TNXB: variants seen among roughly 807,000 people sequenced by gnomAD.
TNXB encodes the protein tenascin-X.
TNXB carries 183 observed loss-of-function variants against 340.5 expected under a neutral mutation model. The ratio of observed to expected loss-of-function variants is 0.54; its 90% CI spans 0.48 to 0.61. The LOEUF (loss-of-function observed/expected upper bound fraction) is 0.61. Ranked by LOEUF, TNXB falls within the 20% of genes least tolerant of loss-of-function variation. TNXB has a pLI of 0.00. For missense variants in TNXB, 4,613 were observed against 5,446.4 expected (o/e 0.85, Z 4.82); for synonymous variants, 2,121 against 2,314.5 (o/e 0.92, Z 2.40).
Position 32,047,800 on chromosome 6 carries a change from T to C in TNXB, c.10258A>G (p.Arg3420Gly), listed in dbSNP as rs199563047. 3.9e-5 allele frequency: 62 copies of C among 1,610,338 alleles called. No homozygotes were observed. The African/African-American group carries it at 7.1e-4, about 18-fold the overall frequency. Residue 3420 changes from arginine (R) to glycine (G), a missense_variant, in exon 30 of 44, where the codon AGG becomes GGG. Transcript: ENST00000644971. The surrounding 1 kb of genome is among the most constrained non-coding windows in gnomAD (Gnocchi z 6.2). Reference sequence around the variant, plus strand: ...CCTGACAGACCATAGAGCAGGAACCTGTATTTCCTACTGGGCTCCAGGCCC... The same window carrying C: ...CCTGACAGACCATAGAGCAGGAACCCGTATTTCCTACTGGGCTCCAGGCCC... ...VQGLEPSRKY[R>G]FLLYGLSGRK...
Position 32,070,208 on chromosome 6 carries a change from C to A in TNXB, c.5197G>T (p.Ala1733Ser), listed in dbSNP as rs751110919. 1 of 1,611,924 alleles carries A rather than the reference C, an allele frequency of 6.2e-7. No individual in the cohort carries two copies. The highest frequency in any genetic ancestry group is 1.3e-5 in the African/African-American group (1 of 74,868). ...AGGAGGAATCTGTACTTGCGGCCGG[C>A]ATCCAGAGGGGTGACAGTGACAGAG... ...ERSVTVTPLD[A>S]GRKYRFLLYG... Residue 1733 changes from alanine to serine, a missense_variant, in exon 14 of 44, where the codon GCC becomes TCC. Transcript: ENST00000644971. The surrounding 1 kb of genome is among the most constrained non-coding windows in gnomAD (Gnocchi z 6.0).
Position 32,097,916 on chromosome 6 carries a change from C to A in TNXB, c.283G>T (p.Val95Phe). The change falls in exon 2 of 44, where the codon GTC becomes TTC. Residue 95 changes from valine to phenylalanine, a missense_variant. By Grantham distance (50) the Val-to-Phe change is conservative. Around this residue, in one of 7 missense-constraint regions of TNXB, gnomAD observed 4,327 missense variants for 4,859.4 expected, o/e 0.89. Transcript: ENST00000644971. This position sits in a 1 kb window ranked among gnomAD's most constrained non-coding sequence, Gnocchi z 5.9. The part of the protein sequence containing the change: ...CGCPPGTEPP[V>F]LASEVQALRV... ...AGGGCCTGTACCTCTGAAGCAAGGACTGGGGGCTCGGTGCCTGGGGGACAG... is the reference window on the plus strand; with the variant it reads ...AGGGCCTGTACCTCTGAAGCAAGGAATGGGGGCTCGGTGCCTGGGGGACAG... 6.3e-7 allele frequency: 1 copy of A among 1,590,002 alleles called. No homozygotes were observed. Among genetic ancestry groups the A allele is most frequent in the Non-Finnish European group, 8.6e-7 (1 of 1,164,162 alleles).
At chr6:32,071,821 C>G (rs1338309615) in intron 13 of TNXB, among the ~76,000 whole-genome samples, 169 bp downstream of exon 13, 1 of 152,132 alleles carries the variant, frequency 6.6e-6, no homozygotes, top group Non-Finnish European at 1.5e-5. Flanking sequence ...CCTGACCTGC[C>G]TTGGACTCCC....
Position 32,080,237 on chromosome 6 carries a change from G to A in TNXB, c.4043-872C>T, listed in dbSNP as rs758703138. Among the ~76,000 whole-genome samples the A allele has an allele frequency of 2.0e-5, 3 of 150,688 alleles. No homozygotes were observed. Among genetic ancestry groups the A allele is most frequent in the Non-Finnish European group, 4.4e-5 (3 of 67,850 alleles). ...TTTTTGTTTTTTTTTTTGAGATGGA[G>A]TCTCACTCTGTCGCCCAGGCTGGAA... is the stretch of plus-strand genomic sequence containing the variant. On this transcript the variant is annotated intron_variant, in intron 10 of 43. Transcript: ENST00000644971. The surrounding 1 kb of genome is among the most constrained non-coding windows in gnomAD (Gnocchi z 4.3).
Position 32,046,272 on chromosome 6 carries a change from G to C in TNXB, c.10509C>G (p.Thr3503=). The C allele has an allele frequency of 6.2e-7, 1 of 1,606,272 alleles. No individual in the cohort carries two copies. The part of the protein sequence containing the change: ...VPVAADQRTV[T]VEDLEPGKKY... Reference sequence around the variant, plus strand: ...TCTTGCCAGGCTCCAGGTCCTCTACGGTGACTGTGCGCTGGTCTGCGGCCA... The same window carrying C: ...TCTTGCCAGGCTCCAGGTCCTCTACCGTGACTGTGCGCTGGTCTGCGGCCA... The change falls in exon 31 of 44, where the codon ACC becomes ACG. Residue 3503 remains threonine, a synonymous_variant. Coordinates refer to ENST00000644971, the MANE Select transcript of TNXB (RefSeq NM_001365276.2). This position sits in a 1 kb window ranked among gnomAD's most constrained non-coding sequence, Gnocchi z 6.9.
In TNXB at chr6:32,081,420, G is replaced by A. The variant is rs762897482; in HGVS notation, c.3990C>T (p.Tyr1330=). The A allele has an allele frequency of 1.2e-5, 19 of 1,558,036 alleles. No homozygotes were observed. Among genetic ancestry groups the A allele is most frequent in the African/African-American group, 2.7e-5 (2 of 73,654 alleles). Residue 1330 remains tyrosine (Y), a synonymous_variant, in exon 10 of 44, where the codon TAC becomes TAT. Transcript: ENST00000644971. The surrounding 1 kb of genome is among the most constrained non-coding windows in gnomAD (Gnocchi z 5.1). ...CCACACGCTGCCTGCCACGAAGCCC[G>A]TAGAGGTTCATCTTATACTTCCGGT... The part of the protein sequence containing the change: ...DPDRKYKMNL[Y]GLRGRQRVGP...
In TNXB at chr6:32,087,536, C is replaced by T. The variant is rs1056047750; in HGVS notation, c.2779+1249G>A. The T allele has an allele frequency of 4.4e-6, 2 of 459,652 alleles. No individual in the cohort carries two copies. The highest frequency in any genetic ancestry group is 6.7e-5 in the East Asian group (1 of 14,980). 28.5% of individuals were successfully genotyped at this position (459,652 alleles called of 1,614,324 possible). On this transcript the variant is annotated intron_variant, in intron 6 of 43. Coordinates refer to ENST00000644971, the MANE Select transcript of TNXB (RefSeq NM_001365276.2). The surrounding 1 kb of genome is among the most constrained non-coding windows in gnomAD (Gnocchi z 9.0). ...GGGTGGCGGGACGCAGCCACCCGGT[C>T]GACGCCTTCAGGCGAGAGGCCGTAG...
In TNXB at chr6:32,069,851, A is replaced by C; in HGVS notation, c.5289T>G (p.Ser1763Arg). Residue 1763 changes from serine (S) to arginine (R), a missense_variant, in exon 15 of 44, where the codon AGT becomes AGG. Ser to Arg is a moderately radical substitution (Grantham distance 110). Coordinates refer to ENST00000644971, the MANE Select transcript of TNXB (RefSeq NM_001365276.2). This position sits in a 1 kb window ranked among gnomAD's most constrained non-coding sequence, Gnocchi z 6.2. ...GCTTTGTTCCAGTATCATCCATAGCACTCCGGGCTTCTGAGATGGAGACAC... is the reference window on the plus strand; with the variant it reads ...GCTTTGTTCCAGTATCATCCATAGCCCTCCGGGCTTCTGAGATGGAGACAC... ...LTADGTTEAR[S>R]AMDDTGTKRP... 6.3e-7 allele frequency: 1 copy of C among 1,575,618 alleles called. No homozygotes were observed. Among genetic ancestry groups the C allele is most frequent in the Non-Finnish European group, 8.6e-7 (1 of 1,158,024 alleles).
Position 32,071,983 on chromosome 6 carries a change from A to C in TNXB, c.4990+7T>G. On this transcript the variant is annotated splice_region_variant and intron_variant, in intron 13 of 43. Coordinates refer to ENST00000644971, the MANE Select transcript of TNXB (RefSeq NM_001365276.2). ...CTCAGGCTCAGCTGTGTAGGGGCCC[A>C]TCTCACCCGTCTTTGCCTCCACAGA... 1 of 1,588,286 alleles carries C rather than the reference A, an allele frequency of 6.3e-7. No individual in the cohort carries two copies. Among genetic ancestry groups the C allele is most frequent in the East Asian group, 2.2e-5 (1 of 44,630 alleles).
chr6:32,043,868 T>A lies in TNXB; in HGVS notation c.11411A>T (p.Asp3804Val). 6.2e-7 allele frequency: 1 copy of A among 1,613,598 alleles called. No homozygotes were observed. The highest frequency in any genetic ancestry group is 8.5e-7 in the Non-Finnish European group (1 of 1,179,968). The change falls in exon 35 of 44, where the codon GAT (aspartate) becomes GTT (valine). Residue 3804 changes from aspartate to valine, a missense_variant. Asp to Val is a radical substitution (Grantham distance 152). Around this residue, in one of 7 missense-constraint regions of TNXB, gnomAD observed 114 missense variants for 104.5 expected, o/e 1.09. Coordinates refer to ENST00000644971, the MANE Select transcript of TNXB (RefSeq NM_001365276.2). ...GAGTTTCTGGGTCCGGGCCTGGCCATCCACCTGCACACTCTGAGGCTCCCC... is the reference window on the plus strand; with the variant it reads ...GAGTTTCTGGGTCCGGGCCTGGCCAACCACCTGCACACTCTGAGGCTCCCC... Reference protein sequence around the residue: ...DGGEPQSVQVDGQARTQKLQG... With the variant: ...DGGEPQSVQVVGQARTQKLQG...
rs373976167 is a variant in TNXB at position 32,065,041 on chromosome 6, G to C, written c.6621C>G (p.Ser2207=). Residue 2207 remains serine (S), a synonymous_variant, in exon 19 of 44, where the codon TCC becomes TCG. Transcript: ENST00000644971. ...CTGTCCAGGAGAGGCTGAGGGAGTC[G>C]GAGGTGATGTCTCTCACTGTCATCT... ...LGQMTVRDIT[S]DSLSLSWTVP... 9 of 1,606,362 alleles carry C rather than the reference G, an allele frequency of 5.6e-6. No individual in the cohort carries two copies. The highest frequency in any genetic ancestry group is 4.0e-5 in the African/African-American group (3 of 74,788).
Position 32,049,133 on chromosome 6 carries a change from G to A in TNXB, c.9757+137C>T. On this transcript the variant is annotated intron_variant, in intron 28 of 43. Coordinates refer to ENST00000644971, the MANE Select transcript of TNXB (RefSeq NM_001365276.2). This position sits in a 1 kb window ranked among gnomAD's most constrained non-coding sequence, Gnocchi z 4.5. ...ACACAGTCTCCATGAATCCAAGGAT[G>A]AGGCAGGATCATTAGCAACATGGGA... 1.6e-6 allele frequency: 2 copies of A among 1,263,666 alleles called. No individual in the cohort carries two copies. The highest frequency in any genetic ancestry group is 2.1e-6 in the Non-Finnish European group (2 of 941,888). 78.3% of individuals were successfully genotyped at this position (1,263,666 alleles called of 1,614,324 possible).
chr6:32,069,202 G>T lies in TNXB; in HGVS notation c.5588-66C>A. 1 of 1,490,420 alleles carries T rather than the reference G, an allele frequency of 6.7e-7. No homozygotes were observed. The highest frequency in any genetic ancestry group is 9.0e-7 in the Non-Finnish European group (1 of 1,108,902). The allele number at this position is 1,490,420 out of a possible 1,614,324, so 92.3% of individuals were successfully genotyped here. On this transcript the variant is annotated intron_variant, in intron 15 of 43. Coordinates refer to ENST00000644971, the MANE Select transcript of TNXB (RefSeq NM_001365276.2). The surrounding 1 kb of genome is among the most constrained non-coding windows in gnomAD (Gnocchi z 6.2). ...CGCTGCACCCAGACTCTCAGGAGGAGTGAGGGAGGAGAGGGAGTGAGGGCA... is the reference window on the plus strand; with the variant it reads ...CGCTGCACCCAGACTCTCAGGAGGATTGAGGGAGGAGAGGGAGTGAGGGCA...
chr6:32,049,269 C>T lies in TNXB; in HGVS notation c.9757+1G>A. ...GGACGAGGGCCTGTCCCCCCACTCA[C>T]CCGTGATGCCCACGGTGGACACTGG... is the stretch of plus-strand genomic sequence containing the variant. On this transcript the variant is annotated splice_donor_variant, in intron 28 of 43. Transcript: ENST00000644971. LOFTEE classifies it high-confidence loss of function. This position sits in a 1 kb window ranked among gnomAD's most constrained non-coding sequence, Gnocchi z 4.5. The T allele has an allele frequency of 6.2e-7, 1 of 1,609,140 alleles. No individual in the cohort carries two copies. The highest frequency in any genetic ancestry group is 8.5e-7 in the Non-Finnish European group (1 of 1,177,636).
intron 24 of TNXB, among the ~76,000 whole-genome samples, chr6:32,054,765 C>T (rs1306030711): frequency 1.3e-5 from 2 of 152,202 alleles, no homozygotes; most frequent in Non-Finnish European, 2.9e-5. Flanking sequence ...TTCCAGCTTC[C>T]GCCTATGAAA....
At chr6:32,053,798 G>C (rs1777457409) in intron 24 of TNXB, 87 bp from the exon 25 acceptor site, 5 of 1,468,852 alleles carry the variant, frequency 3.4e-6, no homozygotes, top group Non-Finnish European at 1.9e-6. Flanking sequence ...AAGTGCCCAA[G>C]AGCAGGACGA....
Position 32,097,695 on chromosome 6 carries a change from AG to A in TNXB, c.403+100del, listed in dbSNP as rs1470414810. The stretch of plus-strand genomic sequence containing the variant: ...GGCTGCATCCACACCCCTCATGGTG[AG>A]GAAGGAGTGCCTTCTTCTAATTCAT... On this transcript the variant is annotated intron_variant, in intron 2 of 43. Transcript: ENST00000644971. This position sits in a 1 kb window ranked among gnomAD's most constrained non-coding sequence, Gnocchi z 5.9. 7.6e-7 allele frequency: 1 copy of A among 1,323,596 alleles called. No homozygotes were observed. Among genetic ancestry groups the A allele is most frequent in the African/African-American group, 1.5e-5 (1 of 67,636 alleles). 82.0% of individuals were successfully genotyped at this position (1,323,596 alleles called of 1,614,324 possible).
In TNXB at chr6:32,067,674, A is replaced by G. The variant is rs1310467237; in HGVS notation, c.6531T>C (p.Ala2177=). The G allele has an allele frequency of 7.4e-6, 12 of 1,613,478 alleles. No homozygotes were observed. Among genetic ancestry groups the G allele is most frequent in the Non-Finnish European group, 1.0e-5 (12 of 1,179,590 alleles). The change falls in exon 18 of 44, where the codon GCT becomes GCC. Residue 2177 remains alanine (A), a synonymous_variant. Transcript: ENST00000644971. This position sits in a 1 kb window ranked among gnomAD's most constrained non-coding sequence, Gnocchi z 4.2. ...HEGRRVGPVS[A]VGVTAPEEES... ...GTGCACACTCACCCGTGACGCCCAC[A>G]GCAGACACTGGGCCCACGCGCCGCC...
chr6:32,097,841 G>T lies in TNXB; in HGVS notation c.358C>A (p.Gln120Lys). ...GCAGGACAACATCCCCCAGTGCACTGTTCCTTGAGCCCCTTCACCAACTCC... is the reference window on the plus strand; with the variant it reads ...GCAGGACAACATCCCCCAGTGCACTTTTCCTTGAGCCCCTTCACCAACTCC... ...LEELVKGLKE[Q>K]CTGGCCPASA... The change falls in exon 2 of 44, where the codon CAG (glutamine) becomes AAG (lysine). Residue 120 changes from glutamine (Q) to lysine (K), a missense_variant. Gln to Lys is a moderately conservative substitution (Grantham distance 53). This residue lies in a region of TNXB where 4,327 missense variants were observed against 4,859.4 expected (regional missense o/e 0.89). Transcript: ENST00000644971. The surrounding 1 kb of genome is among the most constrained non-coding windows in gnomAD (Gnocchi z 5.9). 6.5e-7 allele frequency: 1 copy of T among 1,528,614 alleles called. No individual in the cohort carries two copies. Among genetic ancestry groups the T allele is most frequent in the Non-Finnish European group, 8.8e-7 (1 of 1,133,292 alleles). The allele number at this position is 1,528,614 out of a possible 1,614,324, so 94.7% of individuals were successfully genotyped here.
Sources: allele counts gnomAD v4.1 joint callset (sites outside exome capture counted in the v4.1 genomes callset), GRCh38; gene constraint gnomAD v4.1.1; regional missense constraint gnomAD v4.1.1; non-coding constraint Gnocchi (gnomAD v3.1); transcripts MANE v1.5; gene names NCBI Gene and HGNC (gene_info 2026-07-23, HGNC 2026-07-21).